Variants in AFF2 observed in about 807,000 individuals in gnomAD.
AFF2 encodes the protein ALF transcription elongation factor 2.
A neutral mutation model predicts 76.9 loss-of-function variants in AFF2; 14 were observed. The observed-to-expected ratio is 0.18, with a 90% CI of 0.12 to 0.28. The LOEUF is 0.28. AFF2 is among the 10% of genes least tolerant of loss of function. The pLI is 1.00. For synonymous variants in AFF2, 398 were observed against 366.7 expected, an observed-to-expected ratio of 1.09 and a Z score of -0.98; for missense variants, 868 against 1,001.1, an observed-to-expected ratio of 0.87 and a Z score of 1.79.
intron 3 of AFF2, among the ~76,000 whole-genome samples, chrX:148,798,097 G>A (rs1557270668): frequency 8.9e-6 from 1 of 111,912 alleles, no homozygotes; most frequent in African/African-American, 3.2e-5. Flanking sequence ...ATCTGGCACA[G>A]GCCTTCTTTC....
chrX:148,930,694 T>C (rs1196911266), intron 9 of AFF2, among the ~76,000 whole-genome samples: 3 of 112,334 alleles, frequency 2.7e-5, no homozygotes, highest in African/African-American at 9.7e-5. Context: ...AAGGACTCTT[T>C]GAGGCCTCTG....
At chrX:148,554,939 G>A (rs2053035974) in intron 1 of AFF2, among the ~76,000 whole-genome samples, 1 of 112,588 alleles carries the variant, frequency 8.9e-6, no homozygotes, top group African/African-American at 3.2e-5. Context: ...CTGCAGAGAA[G>A]AGGCATCTTT....
chrX:148,592,632 A>G (rs1167176639), intron 1 of AFF2, among the ~76,000 whole-genome samples: 4 of 112,190 alleles, frequency 3.6e-5, no homozygotes, highest in Non-Finnish European at 7.5e-5. Flanking sequence ...GCTGAAATTA[A>G]AAGTGATCTG....
chrX:148,776,544 T>C (rs1415242321), intron 3 of AFF2, among the ~76,000 whole-genome samples: 1 of 112,430 alleles, frequency 8.9e-6, no homozygotes, highest in African/African-American at 3.2e-5. Context: ...TTTTTAATGA[T>C]TGCCATTCTA....
chrX:148,507,161 A>T (rs925601867), intron 1 of AFF2, among the ~76,000 whole-genome samples: 1 of 112,449 alleles, frequency 8.9e-6, no homozygotes, highest in Admixed American at 9.4e-5. Flanking sequence ...AATCCTAGTG[A>T]TAATACTGTC....
chrX:148,525,471 G>T (rs782545528), intron 1 of AFF2, among the ~76,000 whole-genome samples: 7 of 111,240 alleles, frequency 6.3e-5, no homozygotes, highest in Admixed American at 1.9e-4. Flanking sequence ...AATAGATAAT[G>T]GTCCCATTAG....
chrX:148,621,584 C>T (rs922439289), intron 1 of AFF2, among the ~76,000 whole-genome samples: 3 of 111,667 alleles, frequency 2.7e-5, no homozygotes, highest in Non-Finnish European at 3.8e-5. Flanking sequence ...ATTATGTAAT[C>T]ATAATAACAA....
chrX:148,680,258 C>G (rs973998981), intron 3 of AFF2, among the ~76,000 whole-genome samples: 5 of 112,224 alleles, frequency 4.5e-5, no homozygotes. Context: ...TAAATACATG[C>G]TGAATAAGTG....
At chrX:148,699,447 T>C (rs1320253331) in intron 3 of AFF2, among the ~76,000 whole-genome samples, 1 of 110,855 alleles carries the variant, frequency 9.0e-6, no homozygotes, top group Non-Finnish European at 1.9e-5. Context: ...TCAAGGAAAA[T>C]GTAGGGGTGA....
chrX:148,822,623 T>C (rs2070341924), intron 4 of AFF2, among the ~76,000 whole-genome samples: 1 of 110,560 alleles, frequency 9.0e-6, no homozygotes, highest in African/African-American at 3.3e-5. Context: ...TTTGGCACTA[T>C]TCACTGTGCT....
chrX:148,859,713 A>T (rs1162232708), intron 7 of AFF2, among the ~76,000 whole-genome samples: 44 of 111,989 alleles, frequency 3.9e-4, no homozygotes, highest in African/African-American at 1.3e-3. Flanking sequence ...ATTAAAAATT[A>T]AAATATTTAA....
At chrX:148,516,697 G>C (rs941187304) in intron 1 of AFF2, among the ~76,000 whole-genome samples, 1 of 111,891 alleles carries the variant, frequency 8.9e-6, no homozygotes, top group Admixed American at 9.5e-5. Context: ...TGAGTCACTT[G>C]CTTAAGATCA....
intron 1 of AFF2, among the ~76,000 whole-genome samples, chrX:148,585,857 AG>A (rs66707309): frequency 0.41 from 34,488 of 84,009 alleles, 6,172 homozygotes; most frequent in East Asian, 0.86. Context: ...AAAAAAAAAA[AG>A]AAAAAGAAAA....
intron 3 of AFF2, among the ~76,000 whole-genome samples, chrX:148,707,495 AT>A (rs201346265): frequency 1.0e-3 from 114 of 109,315 alleles, no homozygotes; most frequent in African/African-American, 3.3e-3. Flanking sequence ...TAATATATAT[AT>A]TTTTTTTCCT....
intron 1 of AFF2, among the ~76,000 whole-genome samples, chrX:148,597,297 A>G (rs1482530379): frequency 9.0e-6 from 1 of 111,023 alleles, no homozygotes; most frequent in Non-Finnish European, 1.9e-5. Context: ...GAGTGTGGTA[A>G]TCTCAAAAAG....
rs145031526 is a variant in AFF2 at position 148,966,757 on chromosome X, C to G, written c.2914-33C>G. On this transcript the variant is annotated intron_variant, in intron 13 of 20. Transcript: ENST00000370460. ...GACAAGGTGTTTTAAAAAGCTGGAC[C>G]TAATGGAAACTATTTGTCCTCCTTT... The G allele has an allele frequency of 1.5e-3, 1,826 of 1,198,941 alleles. 23 individuals carry two copies. The East Asian group carries it at 0.042, about 28-fold the overall frequency.
intron 15 of AFF2, among the ~76,000 whole-genome samples, chrX:148,969,443 C>A (rs2072221783): frequency 8.9e-6 from 1 of 112,122 alleles, no homozygotes; most frequent in South Asian, 3.7e-4. Flanking sequence ...GGTTCCAGGA[C>A]CCCCTCGGAC....
intron 8 of AFF2, among the ~76,000 whole-genome samples, chrX:148,895,057 C>T (rs1205934949): frequency 9.0e-6 from 1 of 111,082 alleles, no homozygotes; most frequent in African/African-American, 3.3e-5. Context: ...AAGTTCTGGC[C>T]AGGAGATTTC....
At position 148,990,337 on chromosome X, in the gene AFF2, C is replaced by G. The variant is rs903423123; in HGVS notation, c.3815-874C>G. 5.3e-5 allele frequency among the ~76,000 whole-genome samples: 6 copies of G among 112,202 alleles called. No individual in the cohort carries two copies. In the East Asian group the frequency reaches 1.7e-3, roughly 32 times the overall value. On this transcript the variant is annotated intron_variant, in intron 20 of 20. Coordinates refer to ENST00000370460, the MANE Select transcript of AFF2 (RefSeq NM_002025.4). ...CCAGTCCTATCCCCTCACCCCACCC[C>G]CTGACACGGATTCCTTGCTGCCAGC...
Sources: gnomAD v4.1 joint callset for allele counts (sites outside exome capture counted in the v4.1 genomes callset) on GRCh38, gnomAD v4.1.1 for gene constraint, MANE v1.5 for transcripts, NCBI Gene and HGNC (gene_info 2026-07-23, HGNC 2026-07-21) for gene names.